ZCCHC2: variants seen among roughly 807,000 people sequenced by gnomAD.
ZCCHC2 encodes zinc finger CCHC domain-containing protein 2.
ZCCHC2 carries 39 observed loss-of-function variants against 103.6 expected under a neutral mutation model. The observed-to-expected ratio is 0.38, with a 90% CI of 0.29 to 0.49. The LOEUF is 0.49. ZCCHC2 is among the 20% of genes least tolerant of loss of function. ZCCHC2 has a pLI of 0.96. For missense variants in ZCCHC2, 1,483 were observed against 1,491.0 expected (o/e 0.99, Z 0.09); for synonymous variants, 687 against 608.9 (o/e 1.13, Z -1.89).
chr18:62,537,058 G>A (rs562229733), intron 1 of ZCCHC2, among the ~76,000 whole-genome samples: 4 of 152,166 alleles, frequency 2.6e-5, no homozygotes, highest in Admixed American at 2.0e-4. Context: ...CATTAAGTAC[G>A]TTCCCGTTGT....
intron 1 of ZCCHC2, among the ~76,000 whole-genome samples, chr18:62,534,604 A>T (rs1914840853): frequency 6.6e-6 from 1 of 152,216 alleles, no homozygotes; most frequent in African/African-American, 2.4e-5. Flanking sequence ...GCTCTATAAC[A>T]TAAATGTTGG....
At chr18:62,547,325 TAAA>T (rs78827586) in intron 4 of ZCCHC2, among the ~76,000 whole-genome samples, 4 of 139,778 alleles carry the variant, frequency 2.9e-5, no homozygotes, top group African/African-American at 8.1e-5. Context: ...AACTCCATCT[TAAA>T]AAAAAAAAAA....
chr18:62,578,166 T>C lies in ZCCHC2; in HGVS notation c.*1587T>C, dbSNP rs1182712434. ...GAAACTTTCTTTCAGGGGTGGGAGT[T>C]ATGGGGAAGGGGTGGGTGTGAAGGG... On this transcript the variant is annotated 3_prime_UTR_variant, in exon 14 of 14. Coordinates refer to ENST00000269499, the MANE Select transcript of ZCCHC2 (RefSeq NM_017742.6). 1.3e-5 allele frequency: 2 copies of C among 151,884 alleles called. No homozygotes were observed. Among genetic ancestry groups the C allele is most frequent in the East Asian group, 3.9e-4 (2 of 5,192 alleles). 9.4% of individuals were successfully genotyped at this position (151,884 alleles called of 1,614,324 possible).
At chr18:62,563,675 CAAAAT>C (rs1284479443) in intron 9 of ZCCHC2, among the ~76,000 whole-genome samples, 1 of 152,020 alleles carries the variant, frequency 6.6e-6, no homozygotes, top group East Asian at 1.9e-4. Flanking sequence ...AAATTTAAAA[CAAAAT>C]AAAAATTTTA....
intron 11 of ZCCHC2, among the ~76,000 whole-genome samples, chr18:62,567,860 A>G (rs536185653): frequency 6.9e-6 from 1 of 144,566 alleles, no homozygotes; most frequent in Admixed American, 7.4e-5. Flanking sequence ...CAGGAGCATC[A>G]CTTGAACCCG....
At chr18:62,526,774 G>C (rs1472010994) in intron 1 of ZCCHC2, 3 of 152,010 alleles carry the variant, frequency 2.0e-5, no homozygotes, top group South Asian at 4.1e-4. Flanking sequence ...TATAGGGTCC[G>C]TGGCGCGGGG....
intron 12 of ZCCHC2, among the ~76,000 whole-genome samples, chr18:62,571,941 A>G (rs899413763): frequency 1.3e-5 from 2 of 152,262 alleles, no homozygotes; most frequent in African/African-American, 4.8e-5. Context: ...TACCAAATGT[A>G]GCATAGTTAC....
At chr18:62,527,289 A>T (rs1914472525) in intron 1 of ZCCHC2, among the ~76,000 whole-genome samples, 1 of 151,994 alleles carries the variant, frequency 6.6e-6, no homozygotes, top group African/African-American at 2.4e-5. Flanking sequence ...AAAACTAATG[A>T]CATTTACAGA....
intron 11 of ZCCHC2, among the ~76,000 whole-genome samples, chr18:62,569,357 A>G (rs1191202587): frequency 2.0e-5 from 3 of 152,212 alleles, no homozygotes; most frequent in African/African-American, 4.8e-5. Flanking sequence ...TCACTAATCT[A>G]TAGTTCTTAA....
At chr18:62,572,698 A>G (rs1916640420) in intron 12 of ZCCHC2, among the ~76,000 whole-genome samples, 1 of 152,226 alleles carries the variant, frequency 6.6e-6, no homozygotes, top group South Asian at 2.1e-4. Context: ...GAGGAGTCTC[A>G]GGATGCTTAG....
chr18:62,526,818 C>A (rs1313872062), intron 1 of ZCCHC2: 4 of 151,618 alleles, frequency 2.6e-5, no homozygotes, highest in African/African-American at 9.7e-5. Context: ...AGATGGCGGC[C>A]GCGCGCGCCT....
chr18:62,542,529 A>G lies in ZCCHC2; in HGVS notation c.1083A>G (p.Gly361=), dbSNP rs745586922. 6.4e-6 allele frequency: 10 copies of G among 1,565,296 alleles called. No homozygotes were observed. In the South Asian group the frequency reaches 1.2e-4, roughly 18 times the overall value. The part of the protein sequence containing the change: ...AVHIEKIMLK[G]VQRKRADKYW... ...ACATTGAGAAGATAATGTTGAAAGG[A>G]GTCCAGAGAAAAAGAGCTGACAAAT... The change falls in exon 3 of 14, where the codon GGA becomes GGG. Residue 361 remains glycine (G), a synonymous_variant. Transcript: ENST00000269499.
chr18:62,541,771 T>C (rs2033668944), intron 2 of ZCCHC2, among the ~76,000 whole-genome samples: 1 of 152,226 alleles, frequency 6.6e-6, no homozygotes, highest in Non-Finnish European at 1.5e-5. Context: ...GTGGTACTTT[T>C]ATTAAAGGTG....
At chr18:62,563,235 GTA>G in intron 9 of ZCCHC2, 91 bp downstream of exon 9, 1 of 1,424,064 alleles carries the variant, frequency 7.0e-7, no homozygotes, top group Non-Finnish European at 9.5e-7. Context: ...CAGTCAGACA[GTA>G]TATCTGGTAA....
chr18:62,570,050 ATTAAT>A (rs1208380182), intron 11 of ZCCHC2, 48 bp from the exon 12 acceptor site: 1 of 1,485,230 alleles, frequency 6.7e-7, no homozygotes, highest in African/African-American at 1.4e-5. Context: ...CAACTTAGAA[ATTAAT>A]TTAAAATGAC....
Position 62,563,001 on chromosome 18 carries a change from T to C in ZCCHC2, c.1551-8T>C. On this transcript the variant is annotated splice_region_variant and splice_polypyrimidine_tract_variant and intron_variant, in intron 8 of 13. Coordinates refer to ENST00000269499, the MANE Select transcript of ZCCHC2 (RefSeq NM_017742.6). ...ATTTTCACACTTTCATAAACTTTTC[T>C]TTGGTAGCAATATTGGTACAAGTTG... is the stretch of plus-strand genomic sequence containing the variant. The C allele has an allele frequency of 6.2e-7, 1 of 1,600,918 alleles. No homozygotes were observed. Among genetic ancestry groups the C allele is most frequent in the Non-Finnish European group, 8.6e-7 (1 of 1,169,178 alleles).
intron 1 of ZCCHC2, 71 bp downstream of exon 1, chr18:62,524,434 C>G (rs895148711): frequency 7.0e-7 from 1 of 1,423,568 alleles, no homozygotes; most frequent in African/African-American, 1.5e-5. Flanking sequence ...GCCTCGCTCT[C>G]GGACGCCCCT....
chr18:62,549,193 T>A (rs1278544693), intron 4 of ZCCHC2, among the ~76,000 whole-genome samples: 1 of 150,516 alleles, frequency 6.6e-6, no homozygotes, highest in African/African-American at 2.5e-5. Flanking sequence ...CGCTCCAGCC[T>A]GGGCAACAGA....
In ZCCHC2 at chr18:62,528,908, T is replaced by C. The variant is rs527385254; in HGVS notation, c.939+4545T>C. On this transcript the variant is annotated intron_variant, in intron 1 of 13. Transcript: ENST00000269499. ...AGGCGCAGTGGCTCACGCCTGTAAT[T>C]CCAGCACTTTGAAAGCCAAGGCAGG... Among the ~76,000 whole-genome samples, 4 of 152,124 alleles carry C rather than the reference T, an allele frequency of 2.6e-5. No individual in the cohort carries two copies. The South Asian group carries it at 8.3e-4, about 32-fold the overall frequency.
Sources: gnomAD v4.1 joint callset for allele counts (sites outside exome capture counted in the v4.1 genomes callset) on GRCh38, gnomAD v4.1.1 for gene constraint, MANE v1.5 for transcripts, NCBI Gene and HGNC (gene_info 2026-07-23, HGNC 2026-07-21) for gene names.